Variants in TRMT1L observed in about 807,000 individuals in gnomAD.
The protein encoded by TRMT1L is tRNA methyltransferase 1L, also known as tRNA (guanine(27)-N(2))-dimethyltransferase.
In TRMT1L, 28 loss-of-function variants were observed where a neutral mutation model predicts 81.6. The ratio of observed to expected loss-of-function variants is 0.34; its 90% CI spans 0.25 to 0.47. The LOEUF (loss-of-function observed/expected upper bound fraction) is 0.47, where lower values mean the gene tolerates loss of function less well. TRMT1L is among the 20% of genes least tolerant of loss of function. TRMT1L has a pLI of 1.00. For synonymous variants in TRMT1L, 301 were observed against 303.2 expected (o/e 0.99, Z 0.07); for missense variants, 739 against 877.1 (o/e 0.84, Z 1.99).
rs1281154901 is a variant in TRMT1L at position 185,139,597 on chromosome 1, A to G, written c.1110-18T>C. On this transcript the variant is annotated intron_variant, in intron 8 of 14. Transcript: ENST00000367506. ...CTAGATGTCTAAAATCAGAAAGAATATAGACATTTTAAAGTCATATTAGTA... is the reference window on the plus strand; with the variant it reads ...CTAGATGTCTAAAATCAGAAAGAATGTAGACATTTTAAAGTCATATTAGTA... 3.8e-6 allele frequency: 6 copies of G among 1,567,728 alleles called. No individual in the cohort carries two copies. Among genetic ancestry groups the G allele is most frequent in the Non-Finnish European group, 5.2e-6 (6 of 1,148,298 alleles).
rs1007745881 is a variant in TRMT1L at position 185,119,384 on chromosome 1, A to C, written c.*635T>G. The C allele has an allele frequency of 6.6e-6, 1 of 152,206 alleles. No individual in the cohort carries two copies. Among genetic ancestry groups the C allele is most frequent in the Non-Finnish European group, 1.5e-5 (1 of 68,028 alleles). The allele number at this position is 152,206 out of a possible 1,614,324, so 9.4% of individuals were successfully genotyped here. Reference sequence around the variant, plus strand: ...TTTATTCTGACAAAATCTTACTTTGAAGTTTAGTCATTTAGACCTTAAAGT... The same window carrying C: ...TTTATTCTGACAAAATCTTACTTTGCAGTTTAGTCATTTAGACCTTAAAGT... On this transcript the variant is annotated 3_prime_UTR_variant, in exon 15 of 15. Coordinates refer to ENST00000367506, the MANE Select transcript of TRMT1L (RefSeq NM_030934.5).
At position 185,137,767 on chromosome 1, in the gene TRMT1L, T is replaced by C. The variant is rs1652937089; in HGVS notation, c.1352A>G (p.Glu451Gly). ...RAAARCNKGI[E>G]VLFAVALEHF... ...TTCCAGAGCCACTGCAAACAGTACT[T>C]CTATGCCTTTGTTGCATCGGGCTGC... is the stretch of plus-strand genomic sequence containing the variant. Residue 451 changes from glutamate to glycine, a missense_variant, in exon 10 of 15, where the codon GAA (glutamate) becomes GGA (glycine). This residue lies in a region of TRMT1L where 331 missense variants were observed against 462.2 expected (regional missense o/e 0.72). Transcript: ENST00000367506. The C allele has an allele frequency of 6.2e-7, 1 of 1,613,830 alleles. No homozygotes were observed. Among genetic ancestry groups the C allele is most frequent in the East Asian group, 2.2e-5 (1 of 44,866 alleles).
At position 185,156,883 on chromosome 1, in the gene TRMT1L, T is replaced by G. The variant is rs549178349; in HGVS notation, c.-171A>C. ...ATGAAGAACCAGTGACCAAATCCTGTTAGTAGAAAACAGAAAGCCAGAGGC... is the reference window on the plus strand; with the variant it reads ...ATGAAGAACCAGTGACCAAATCCTGGTAGTAGAAAACAGAAAGCCAGAGGC... On this transcript the variant is annotated 5_prime_UTR_variant, in exon 1 of 15. Coordinates refer to ENST00000367506, the MANE Select transcript of TRMT1L (RefSeq NM_030934.5). 40 of 915,162 alleles carry G rather than the reference T, an allele frequency of 4.4e-5. No individual in the cohort carries two copies. The African/African-American group carries it at 5.4e-4, about 12-fold the overall frequency. 56.7% of individuals were successfully genotyped at this position (915,162 alleles called of 1,614,324 possible).
chr1:185,125,183 T>A, intron 11 of TRMT1L, 73 bp from the exon 12 acceptor site: 1 of 1,069,378 alleles, frequency 9.4e-7, no homozygotes, highest in Non-Finnish European at 1.3e-6. Flanking sequence ...CTTCACAATT[T>A]AACTATAAGT....
At position 185,123,921 on chromosome 1, in the gene TRMT1L, TA is replaced by T; in HGVS notation, c.1760-3del. The T allele has an allele frequency of 6.8e-7, 1 of 1,463,896 alleles. No homozygotes were observed. Among genetic ancestry groups the T allele is most frequent in the Non-Finnish European group, 9.2e-7 (1 of 1,090,142 alleles). The allele number at this position is 1,463,896 out of a possible 1,614,324, so 90.7% of individuals were successfully genotyped here. On this transcript the variant is annotated splice_region_variant and splice_polypyrimidine_tract_variant and intron_variant, in intron 12 of 14. Coordinates refer to ENST00000367506, the MANE Select transcript of TRMT1L (RefSeq NM_030934.5). ...TTTTAATAAATACACCATTTTCTTC[TA>T]AAAAATAAAGCAAATGGGAAAAGAA...
At chr1:185,145,306 G>A (rs1653158990) in intron 5 of TRMT1L, 133 bp downstream of exon 5, 2 of 889,236 alleles carry the variant, frequency 2.2e-6, no homozygotes, top group Non-Finnish European at 3.2e-6. Context: ...ACCAAAAGCT[G>A]AAGTAATGGA....
At chr1:185,144,135 T>C (rs542314272) in intron 5 of TRMT1L, 106 bp from the exon 6 acceptor site, 5 of 1,139,238 alleles carry the variant, frequency 4.4e-6, no homozygotes, top group African/African-American at 3.2e-5. Context: ...ACAATAAATA[T>C]ACATTTTGAA....
At chr1:185,139,896 CTTAA>C in intron 8 of TRMT1L, 73 bp downstream of exon 8, 1 of 1,471,602 alleles carries the variant, frequency 6.8e-7, no homozygotes, top group Non-Finnish European at 9.1e-7. Context: ...AAAAAACTGT[CTTAA>C]TTTTTAACTA....
intron 11 of TRMT1L, among the ~76,000 whole-genome samples, chr1:185,128,130 C>A (rs1035246178): frequency 7.9e-5 from 12 of 151,828 alleles, no homozygotes; most frequent in African/African-American, 2.9e-4. Context: ...AACAAACAAA[C>A]AAAAAAAACC....
Position 185,119,795 on chromosome 1 carries a change from A to C in TRMT1L, c.*224T>G, listed in dbSNP as rs929877296. On this transcript the variant is annotated 3_prime_UTR_variant, in exon 15 of 15. Transcript: ENST00000367506. ...TCTCAGTGAGACTTGGCTTCATATG[A>C]AATGTTTCCATTAAAATTTTAAGTT... The C allele has an allele frequency of 2.2e-6, 1 of 458,312 alleles. No individual in the cohort carries two copies. Among genetic ancestry groups the C allele is most frequent in the Non-Finnish European group, 3.8e-6 (1 of 262,094 alleles). 28.4% of individuals were successfully genotyped at this position (458,312 alleles called of 1,614,324 possible).
intron 8 of TRMT1L, among the ~76,000 whole-genome samples, 160 bp downstream of exon 8, chr1:185,139,810 AAAT>A (rs1418887196): frequency 2.0e-5 from 3 of 152,242 alleles, no homozygotes; most frequent in Admixed American, 2.0e-4. Flanking sequence ...ATTTTATTTC[AAAT>A]ACTAGAAAAT....
Position 185,120,089 on chromosome 1 carries a change from T to A in TRMT1L, c.2132A>T (p.Asp711Val). The change falls in exon 15 of 15, where the codon GAT becomes GTT. Residue 711 changes from aspartate to valine, a missense_variant. Transcript: ENST00000367506. ...CATTTCAACTCTTTCAGTTACTGTA[T>A]CTTCAGATGCTGACTGGACATGGCT... ...SESHVQSASE[D>V]TVTERVEMSV... 1 of 1,613,988 alleles carries A rather than the reference T, an allele frequency of 6.2e-7. No individual in the cohort carries two copies. The highest frequency in any genetic ancestry group is 1.1e-5 in the South Asian group (1 of 91,070).
At chr1:185,146,247 G>A (rs1382205543) in intron 4 of TRMT1L, among the ~76,000 whole-genome samples, 1 of 151,880 alleles carries the variant, frequency 6.6e-6, no homozygotes, top group African/African-American at 2.4e-5. Flanking sequence ...AAGATTTCTG[G>A]AAATTTGAGC....
intron 12 of TRMT1L, 109 bp downstream of exon 12, chr1:185,124,835 C>T (rs1571342352): frequency 9.5e-7 from 1 of 1,047,362 alleles, no homozygotes; most frequent in East Asian, 2.8e-5. Flanking sequence ...ACTAAAAACA[C>T]ACTATTTATA....
chr1:185,143,744 G>A (rs1047901217), intron 6 of TRMT1L, among the ~76,000 whole-genome samples, 162 bp downstream of exon 6: 14 of 151,886 alleles, frequency 9.2e-5, no homozygotes, highest in Non-Finnish European at 1.6e-4. Flanking sequence ...ACATCGGCTT[G>A]TTAGAAAAAA....
At chr1:185,127,567 G>C (rs1314898444) in intron 11 of TRMT1L, among the ~76,000 whole-genome samples, 1 of 151,860 alleles carries the variant, frequency 6.6e-6, no homozygotes, top group African/African-American at 2.4e-5. Context: ...ATATCAGCCT[G>C]ACCAACATGG....
chr1:185,148,398 C>T (rs1306773508), intron 3 of TRMT1L, among the ~76,000 whole-genome samples: 1 of 152,206 alleles, frequency 6.6e-6, no homozygotes, highest in African/African-American at 2.4e-5. Context: ...AAGTCCCAAA[C>T]CCAAGCATTC....
chr1:185,151,976 T>C lies in TRMT1L; in HGVS notation c.236-41A>G, dbSNP rs752919808. The C allele has an allele frequency of 8.6e-6, 11 of 1,279,074 alleles. No homozygotes were observed. In the South Asian group the frequency reaches 1.2e-4, roughly 14 times the overall value. The allele number at this position is 1,279,074 out of a possible 1,614,324, so 79.2% of individuals were successfully genotyped here. A position where few individuals can be genotyped will look rare whatever the true frequency, so the allele number is the denominator to read the frequency against. On this transcript the variant is annotated intron_variant, in intron 1 of 14. Transcript: ENST00000367506. ...GAGAAGATTATGCTTTAACAGTTTGTATTCTAGTTCCATTTTTATTGATCA... is the reference window on the plus strand; with the variant it reads ...GAGAAGATTATGCTTTAACAGTTTGCATTCTAGTTCCATTTTTATTGATCA...
At chr1:185,150,597 G>C in intron 2 of TRMT1L, 105 bp from the exon 3 acceptor site, 1 of 754,910 alleles carries the variant, frequency 1.3e-6, no homozygotes, top group Non-Finnish European at 2.2e-6. Context: ...ACTTCTTAAA[G>C]TCTTTCTTAA....
Sources: gnomAD v4.1 joint callset for allele counts (sites outside exome capture counted in the v4.1 genomes callset) on GRCh38, gnomAD v4.1.1 for gene constraint, gnomAD v4.1.1 regional missense constraint, MANE v1.5 for transcripts, NCBI Gene and HGNC (gene_info 2026-07-23, HGNC 2026-07-21) for gene names.